Variants in ZBTB44 observed in about 807,000 individuals in gnomAD.
ZBTB44 encodes zinc finger and BTB domain-containing protein 44.
A neutral mutation model predicts 54.0 loss-of-function variants in ZBTB44; 15 were observed. That is an observed-to-expected ratio of 0.28 (90% CI 0.19 to 0.43). The LOEUF (loss-of-function observed/expected upper bound fraction) is 0.43, where lower values mean the gene tolerates loss of function less well. Among genes scored for constraint, ZBTB44 ranks in the 20% least tolerant of loss-of-function variants. The pLI is 1.00. For missense variants in ZBTB44, 487 were observed against 707.1 expected, an observed-to-expected ratio of 0.69 and a Z score of 3.53; for synonymous variants, 230 against 250.1, an observed-to-expected ratio of 0.92 and a Z score of 0.76.
chr11:130,289,050 CA>C (rs1408719034), intron 1 of ZBTB44, among the ~76,000 whole-genome samples: 2 of 152,212 alleles, frequency 1.3e-5, no homozygotes, highest in East Asian at 3.9e-4. Flanking sequence ...ATCTGCATAG[CA>C]AAAAGTAGTA....
At chr11:130,260,631 G>A (rs17605292) in intron 2 of ZBTB44, among the ~76,000 whole-genome samples, 1 of 152,112 alleles carries the variant, frequency 6.6e-6, no homozygotes, top group Non-Finnish European at 1.5e-5. Context: ...ATGTGTATCT[G>A]CCTTTGTCCC....
intron 1 of ZBTB44, chr11:130,296,360 G>A (rs1012582744): frequency 2.1e-5 from 32 of 1,538,466 alleles, no homozygotes; most frequent in Non-Finnish European, 2.5e-5. Flanking sequence ...GTATGTCCGT[G>A]AAATACCACT....
intron 1 of ZBTB44, among the ~76,000 whole-genome samples, chr11:130,309,329 T>C (rs543901486): frequency 6.6e-6 from 1 of 152,338 alleles, no homozygotes; most frequent in South Asian, 2.1e-4. Flanking sequence ...ACAGTGAGGA[T>C]GAACACAGGA....
chr11:130,301,957 C>A (rs1942010842), intron 1 of ZBTB44, among the ~76,000 whole-genome samples: 1 of 150,784 alleles, frequency 6.6e-6, no homozygotes, highest in East Asian at 2.0e-4. Flanking sequence ...GTGGGAGGAT[C>A]TCTTGAACCC....
chr11:130,287,977 A>AAAAAG (rs1555174575), intron 1 of ZBTB44, among the ~76,000 whole-genome samples: 125 of 152,054 alleles, frequency 8.2e-4, no homozygotes, highest in African/African-American at 2.8e-3. Flanking sequence ...AAAAAAAAAA[A>AAAAAG]AAAGAAAGAA....
At chr11:130,247,596 A>AAC (rs1324007782) in intron 2 of ZBTB44, among the ~76,000 whole-genome samples, 16 of 152,224 alleles carry the variant, frequency 1.1e-4, no homozygotes, top group Non-Finnish European at 1.9e-4. Context: ...AACGATAATG[A>AAC]GAGGATGAAC....
rs770580046 is a variant in ZBTB44, at chr11:130,236,900, G to A, written c.1461C>T (p.Tyr487=). The change falls in exon 5 of 8, where the codon TAC becomes TAT. Residue 487 remains tyrosine, a synonymous_variant. Coordinates refer to ENST00000357899, the MANE Select transcript of ZBTB44 (RefSeq NM_001301098.2). ...ACATGGCGCCACATGTTTTGCACTC[G>A]TAAATCCGAGGCTTGCGGATAATGT... The part of the protein sequence containing the change: ...SRHIIRKPRI[Y]ECKTCGAMFT... 5.7e-6 allele frequency: 9 copies of A among 1,579,764 alleles called. No homozygotes were observed. The highest frequency in any genetic ancestry group is 4.1e-5 in the African/African-American group (3 of 73,706).
intron 1 of ZBTB44, among the ~76,000 whole-genome samples, chr11:130,270,151 A>G (rs568720397): frequency 6.6e-6 from 1 of 152,358 alleles, no homozygotes; most frequent in East Asian, 1.9e-4. Flanking sequence ...GGAAAAGTTG[A>G]TATTTGAAAG....
chr11:130,237,672 T>C (rs568096126), intron 4 of ZBTB44, among the ~76,000 whole-genome samples: 36 of 152,340 alleles, frequency 2.4e-4, no homozygotes, highest in African/African-American at 8.2e-4. Context: ...AAATTCATTA[T>C]CACAGTGTTT....
intron 1 of ZBTB44, among the ~76,000 whole-genome samples, chr11:130,293,391 T>C (rs1016175077): frequency 4.6e-5 from 7 of 151,314 alleles, no homozygotes; most frequent in African/African-American, 1.2e-4. Context: ...GGAGGATCAC[T>C]TGAGCCTGGG....
chr11:130,241,399 T>C (rs530729281), intron 2 of ZBTB44, among the ~76,000 whole-genome samples: 17 of 152,372 alleles, frequency 1.1e-4, no homozygotes, highest in African/African-American at 4.1e-4. Context: ...GATTTTTAAG[T>C]TATTACCACT....
chr11:130,256,364 C>CA (rs1324494293), intron 2 of ZBTB44, among the ~76,000 whole-genome samples: 2 of 152,182 alleles, frequency 1.3e-5, no homozygotes, highest in Non-Finnish European at 2.9e-5. Context: ...TCAATAGACG[C>CA]AGAAAAGGCC....
At position 130,264,412 on chromosome 11, in the gene ZBTB44, T is replaced by TGAGGTGGGA. The variant is rs530557497; in HGVS notation, c.-56-2492_-56-2484dup. The stretch of plus-strand genomic sequence containing the variant: ...TTCAACTGCAGGCCTGTAGTAGGCC[T>TGAGGTGGGA]GAGGTGGGAAAGGAGGGAAAGCTTT... On this transcript the variant is annotated intron_variant, in intron 1 of 7. Coordinates refer to ENST00000357899, the MANE Select transcript of ZBTB44 (RefSeq NM_001301098.2). Among the ~76,000 whole-genome samples, 239 of 152,290 alleles carry TGAGGTGGGA rather than the reference T, an allele frequency of 1.6e-3. 5 individuals are homozygous for TGAGGTGGGA. The South Asian group carries it at 0.034, about 22-fold the overall frequency.
chr11:130,236,625 G>T, intron 5 of ZBTB44, 168 bp downstream of exon 5: 1 of 653,610 alleles, frequency 1.5e-6, no homozygotes, highest in Non-Finnish European at 2.2e-6. Flanking sequence ...AGAAGACTCA[G>T]CAAAATTTTA....
Position 130,314,758 on chromosome 11 carries a change from T to G in ZBTB44, c.-440A>C, listed in dbSNP as rs1408773288. On this transcript the variant is annotated 5_prime_UTR_variant, in exon 1 of 8. Transcript: ENST00000357899. ...TTGGGGAGCGCGGCGACGGCTCGCG[T>G]GTTCCCAGCGGGGCGGGGTGGGGAA... is the stretch of plus-strand genomic sequence containing the variant. 1.5e-5 allele frequency: 2 copies of G among 136,682 alleles called. No individual in the cohort carries two copies. Among genetic ancestry groups the G allele is most frequent in the African/African-American group, 2.7e-5 (1 of 36,480 alleles). 8.5% of individuals were successfully genotyped at this position (136,682 alleles called of 1,614,324 possible).
chr11:130,281,620 C>T (rs1219345015), intron 1 of ZBTB44, among the ~76,000 whole-genome samples: 2 of 151,460 alleles, frequency 1.3e-5, no homozygotes, highest in African/African-American at 2.4e-5. Flanking sequence ...GATGGAGTCT[C>T]GTCTCACTCT....
intron 1 of ZBTB44, among the ~76,000 whole-genome samples, chr11:130,272,666 A>T (rs1277566414): frequency 6.6e-6 from 1 of 150,770 alleles, no homozygotes; most frequent in Non-Finnish European, 1.5e-5. Flanking sequence ...CCAAATACAA[A>T]GTCATGAAGA....
At chr11:130,262,432 C>A (rs1938937910) in intron 1 of ZBTB44, among the ~76,000 whole-genome samples, 1 of 152,146 alleles carries the variant, frequency 6.6e-6, no homozygotes, top group South Asian at 2.1e-4. Flanking sequence ...AGCCACCATG[C>A]CCGGCCTGTG....
intron 1 of ZBTB44, among the ~76,000 whole-genome samples, chr11:130,279,307 T>C (rs1940339910): frequency 7.0e-6 from 1 of 143,046 alleles, no homozygotes; most frequent in Non-Finnish European, 1.5e-5. Context: ...CTACTGTTAT[T>C]TAAAAAAAAA....
Sources: allele counts gnomAD v4.1 joint callset (sites outside exome capture counted in the v4.1 genomes callset), GRCh38; gene constraint gnomAD v4.1.1; transcripts MANE v1.5; gene names NCBI Gene and HGNC (gene_info 2026-07-23, HGNC 2026-07-21).